LRRC69: variants seen among roughly 807,000 people sequenced by gnomAD.
LRRC69 encodes leucine rich repeat containing 69, also known as leucine-rich repeat-containing protein 69.
LRRC69 carries 42 observed loss-of-function variants against 37.8 expected under a neutral mutation model. The ratio of observed to expected loss-of-function variants is 1.11; its 90% CI spans 0.87 to 1.44. The LOEUF (loss-of-function observed/expected upper bound fraction) is 1.44, where lower values mean the gene tolerates loss of function less well. LRRC69 is among the 40% of genes most tolerant of loss of function. The pLI, the probability that LRRC69 is intolerant of heterozygous loss-of-function variation, is 0.00. For missense variants in LRRC69, 357 were observed against 401.9 expected, an observed-to-expected ratio of 0.89 and a Z score of 0.96; for synonymous variants, 141 against 143.1, an observed-to-expected ratio of 0.99 and a Z score of 0.11.
intron 1 of LRRC69, among the ~76,000 whole-genome samples, chr8:91,111,626 G>A (rs1813411550): frequency 6.6e-6 from 1 of 151,978 alleles, no homozygotes; most frequent in African/African-American, 2.4e-5. Flanking sequence ...AACTAATGCA[G>A]GAATGGAAAA....
chr8:91,127,988 C>T (rs1245408760), intron 3 of LRRC69, among the ~76,000 whole-genome samples: 1 of 151,964 alleles, frequency 6.6e-6, no homozygotes, highest in South Asian at 2.1e-4. Context: ...TATTTTAAGT[C>T]AGAGCAACTA....
At chr8:91,124,425 A>T (rs948335274) in intron 1 of LRRC69, 68 bp from the exon 2 acceptor site, 34 of 1,302,086 alleles carry the variant, frequency 2.6e-5, no homozygotes, top group Non-Finnish European at 3.1e-5. Context: ...AAGGGAGCTT[A>T]AATTATTTCT....
intron 5 of LRRC69, among the ~76,000 whole-genome samples, chr8:91,188,958 G>A (rs756106245): frequency 2.0e-5 from 3 of 151,626 alleles, no homozygotes; most frequent in Non-Finnish European, 4.4e-5. Context: ...CCGAGTAGCT[G>A]GGATTATGGG....
intron 5 of LRRC69, among the ~76,000 whole-genome samples, chr8:91,154,227 C>A (rs1808792687): frequency 6.6e-6 from 1 of 151,270 alleles, no homozygotes; most frequent in Admixed American, 6.6e-5. Context: ...GAATAAATAA[C>A]CTACCAACCA....
intron 7 of LRRC69, among the ~76,000 whole-genome samples, chr8:91,202,299 G>A: frequency 6.6e-6 from 1 of 152,160 alleles, no homozygotes; most frequent in East Asian, 1.9e-4. Flanking sequence ...GAGGCTAGAA[G>A]TTTAAAATCA....
At chr8:91,158,573 G>T in intron 5 of LRRC69, 1 of 1,276,588 alleles carries the variant, frequency 7.8e-7, no homozygotes, top group African/African-American at 1.5e-5. Context: ...TCTAATACAA[G>T]CACAGGGGTG....
At chr8:91,202,773 T>C (rs1182555985) in intron 7 of LRRC69, among the ~76,000 whole-genome samples, 1 of 152,246 alleles carries the variant, frequency 6.6e-6, no homozygotes. Flanking sequence ...ATTTGAGGAA[T>C]TTTAAGTAAA....
At chr8:91,146,291 C>T (rs1808617370) in intron 5 of LRRC69, among the ~76,000 whole-genome samples, 2 of 151,688 alleles carry the variant, frequency 1.3e-5, no homozygotes, top group Non-Finnish European at 2.9e-5. Context: ...CAAATTTCAG[C>T]AACATTCACC....
At chr8:91,169,628 A>G (rs1309961114) in intron 5 of LRRC69, among the ~76,000 whole-genome samples, 1 of 140,372 alleles carries the variant, frequency 7.1e-6, no homozygotes, top group Non-Finnish European at 1.5e-5. Context: ...CCACTAACTC[A>G]TCATCTAGCA....
At chr8:91,185,645 A>T (rs1320925638) in intron 5 of LRRC69, among the ~76,000 whole-genome samples, 1 of 152,186 alleles carries the variant, frequency 6.6e-6, no homozygotes, top group Non-Finnish European at 1.5e-5. Flanking sequence ...TAGATATCAA[A>T]TTTATCATAC....
chr8:91,122,335 T>G (rs1280753387), intron 1 of LRRC69, among the ~76,000 whole-genome samples: 1 of 151,950 alleles, frequency 6.6e-6, no homozygotes, highest in Non-Finnish European at 1.5e-5. Flanking sequence ...AGCTTGGAAA[T>G]TAGAAATAGT....
chr8:91,153,257 C>A (rs925083575), intron 5 of LRRC69, among the ~76,000 whole-genome samples: 5 of 151,284 alleles, frequency 3.3e-5, no homozygotes, highest in African/African-American at 1.2e-4. Flanking sequence ...GACTCCCACA[C>A]AATAATAGTA....
chr8:91,196,708 G>A (rs1174558880), intron 6 of LRRC69, among the ~76,000 whole-genome samples: 1 of 150,924 alleles, frequency 6.6e-6, no homozygotes, highest in East Asian at 1.9e-4. Flanking sequence ...GCTCCTTTAA[G>A]CACTTCTCTG....
exon 3 of LRRC69, chr8:91,127,137 G>A (rs1444974697): frequency 5.8e-6 from 9 of 1,548,132 alleles, no homozygotes; most frequent in Admixed American, 2.0e-5. Flanking sequence ...ATCATCTTAC[G>A]CAGCTTCCTC....
At chr8:91,157,634 A>G in intron 5 of LRRC69, 2 of 1,574,506 alleles carry the variant, frequency 1.3e-6, no homozygotes, top group East Asian at 2.2e-5. Flanking sequence ...CAGGAATCTA[A>G]TAAAATGCAC....
intron 5 of LRRC69, among the ~76,000 whole-genome samples, chr8:91,188,849 T>C (rs1244051541): frequency 6.6e-6 from 1 of 151,878 alleles, no homozygotes; most frequent in Non-Finnish European, 1.5e-5. Context: ...TTTTTTTTTT[T>C]TCCCCTCACT....
intron 5 of LRRC69, among the ~76,000 whole-genome samples, chr8:91,136,721 C>T (rs1449782284): frequency 6.6e-6 from 1 of 151,946 alleles, no homozygotes; most frequent in East Asian, 1.9e-4. Flanking sequence ...TAAGATCTTT[C>T]CCCCCTTCAT....
intron 6 of LRRC69, among the ~76,000 whole-genome samples, chr8:91,195,461 A>G (rs1427826565): frequency 6.6e-6 from 1 of 151,860 alleles, no homozygotes; most frequent in African/African-American, 2.4e-5. Context: ...GTCTCCCATT[A>G]TTAATGTGTA....
intron 5 of LRRC69, among the ~76,000 whole-genome samples, chr8:91,163,611 T>C (rs1808982605): frequency 6.6e-6 from 1 of 151,452 alleles, no homozygotes; most frequent in African/African-American, 2.4e-5. Context: ...GCTTTCCTGT[T>C]CCACTTATTT....
Sources: allele counts gnomAD v4.1 joint callset (sites outside exome capture counted in the v4.1 genomes callset), GRCh38; gene constraint gnomAD v4.1.1; transcripts MANE v1.5; gene names NCBI Gene and HGNC (gene_info 2026-07-23, HGNC 2026-07-21).